LSAMP: variants seen among roughly 807,000 people sequenced by gnomAD.
LSAMP encodes the protein limbic system-associated membrane protein.
In LSAMP, 7 loss-of-function variants were observed where a neutral mutation model predicts 38.6. That is an observed-to-expected ratio of 0.18 (90% confidence interval 0.10 to 0.34). The LOEUF is 0.34. Among genes scored for constraint, LSAMP ranks in the 10% least tolerant of loss-of-function variants. The pLI is 1.00. For missense variants in LSAMP, 313 were observed against 420.0 expected (o/e 0.75, Z 2.23); for synonymous variants, 154 against 166.8 (o/e 0.92, Z 0.59).
At position 115,974,444 on chromosome 3, in the gene LSAMP, A is replaced by G. The variant is rs1357088516; in HGVS notation, c.514+45071T>C. Among the ~76,000 whole-genome samples the G allele has an allele frequency of 2.0e-5, 3 of 152,168 alleles. No individual in the cohort carries two copies. In the East Asian group the frequency reaches 5.8e-4, roughly 29 times the overall value. ...GTGACTGAGGCAGATGTCCCAATCAATCGAGCTGTATTGAGCCAGCTTGAG... is the reference window on the plus strand; with the variant it reads ...GTGACTGAGGCAGATGTCCCAATCAGTCGAGCTGTATTGAGCCAGCTTGAG... On this transcript the variant is annotated intron_variant, in intron 3 of 6. Transcript: ENST00000490035.
intron 3 of LSAMP, among the ~76,000 whole-genome samples, chr3:115,955,043 C>T (rs1329199788): frequency 1.3e-5 from 2 of 152,150 alleles, no homozygotes; most frequent in Non-Finnish European, 2.9e-5. Context: ...CAAGCTCCGC[C>T]TCCCGGGTTC....
At chr3:116,184,815 T>G (rs997689373) in intron 1 of LSAMP, among the ~76,000 whole-genome samples, 1 of 151,908 alleles carries the variant, frequency 6.6e-6, no homozygotes, top group African/African-American at 2.4e-5. Flanking sequence ...CTAGTTCCTT[T>G]TCTTTGTTTT....
intron 3 of LSAMP, among the ~76,000 whole-genome samples, chr3:115,962,261 CT>C (rs1938652111): frequency 6.6e-6 from 1 of 152,102 alleles, no homozygotes; most frequent in African/African-American, 2.4e-5. Context: ...CCATTTTTTT[CT>C]TTCATGTGCT....
intron 1 of LSAMP, among the ~76,000 whole-genome samples, chr3:116,133,971 T>G (rs1709190814): frequency 6.6e-6 from 1 of 152,136 alleles, no homozygotes; most frequent in African/African-American, 2.4e-5. Flanking sequence ...TGGAACAAAC[T>G]ATTTTTCCAG....
intron 1 of LSAMP, among the ~76,000 whole-genome samples, chr3:116,303,158 A>G (rs2047437099): frequency 6.6e-6 from 1 of 152,226 alleles, no homozygotes; most frequent in African/African-American, 2.4e-5. Flanking sequence ...ATCAGCAAAG[A>G]GGGTAAATAG....
At chr3:116,039,131 G>C (rs1318470129) in intron 2 of LSAMP, among the ~76,000 whole-genome samples, 1 of 152,168 alleles carries the variant, frequency 6.6e-6, no homozygotes, top group Non-Finnish European at 1.5e-5. Context: ...TCAGGGTTGA[G>C]AAATGTAAGC....
chr3:116,246,737 G>C (rs4831127), intron 1 of LSAMP, among the ~76,000 whole-genome samples: 107,769 of 152,072 alleles, frequency 0.71, 40,061 homozygotes, highest in South Asian at 0.84. Context: ...TGATGCATAT[G>C]GCAGGGTGAG....
intron 1 of LSAMP, among the ~76,000 whole-genome samples, chr3:116,252,477 A>C (rs1698533979): frequency 6.6e-6 from 1 of 152,194 alleles, no homozygotes; most frequent in African/African-American, 2.4e-5. Context: ...GAAGTAGCTA[A>C]AGAATTTTGT....
At chr3:115,917,718 G>T (rs1223627653) in intron 3 of LSAMP, among the ~76,000 whole-genome samples, 1 of 151,742 alleles carries the variant, frequency 6.6e-6, no homozygotes, top group African/African-American at 2.4e-5. Context: ...CCAGTAGGGA[G>T]ATGGGTTAAT....
intron 1 of LSAMP, 149 bp downstream of exon 1, chr3:116,444,728 C>A: frequency 1.0e-6 from 1 of 1,004,280 alleles, no homozygotes; most frequent in Non-Finnish European, 1.5e-6. Flanking sequence ...CACACACACA[C>A]ACCACACACA....
chr3:116,413,221 T>C (rs1335192578), intron 1 of LSAMP, among the ~76,000 whole-genome samples: 1 of 145,872 alleles, frequency 6.9e-6, no homozygotes, highest in Non-Finnish European at 1.5e-5. Flanking sequence ...CTAATCATGC[T>C]TTAAGCATAC....
In LSAMP at chr3:116,350,703, C is replaced by A. The variant is rs114649989; in HGVS notation, c.155+94174G>T. Among the ~76,000 whole-genome samples, 395 of 151,784 alleles carry A rather than the reference C, an allele frequency of 2.6e-3. 1 individual carries two copies. The highest frequency in any genetic ancestry group is 9.1e-3 in the African/African-American group (375 of 41,398). On this transcript the variant is annotated intron_variant, in intron 1 of 6. Coordinates refer to ENST00000490035, the MANE Select transcript of LSAMP (RefSeq NM_002338.5). ...GCAATTTGAACATGCCGAAGAGAAG[C>A]CATAAAGTGTTTCCTTAACATGAAA...
Position 116,199,711 on chromosome 3 carries a change from A to T in LSAMP, c.156-113155T>A, listed in dbSNP as rs138503605. On this transcript the variant is annotated intron_variant, in intron 1 of 6. Coordinates refer to ENST00000490035, the MANE Select transcript of LSAMP (RefSeq NM_002338.5). ...TTAGAGAGCAGTCAAGTAGAGTGAG[A>T]TTAGAAGAAGGACTCTATTATTAGA... 1.8e-4 allele frequency among the ~76,000 whole-genome samples: 27 copies of T among 152,300 alleles called. 1 individual carries two copies. The East Asian group carries it at 5.2e-3, about 29-fold the overall frequency.
At chr3:116,404,247 T>C (rs1010819339) in intron 1 of LSAMP, among the ~76,000 whole-genome samples, 1 of 152,122 alleles carries the variant, frequency 6.6e-6, no homozygotes, top group Non-Finnish European at 1.5e-5. Context: ...CAGTTGTAAA[T>C]ACAAAATCAA....
chr3:115,837,465 C>T (rs540827733), intron 6 of LSAMP, among the ~76,000 whole-genome samples: 9 of 136,024 alleles, frequency 6.6e-5, no homozygotes, highest in African/African-American at 1.0e-4. Flanking sequence ...CTAGGCTAAA[C>T]GCTGACTACT....
chr3:116,005,189 G>A (rs913766167), intron 3 of LSAMP, among the ~76,000 whole-genome samples: 11 of 152,078 alleles, frequency 7.2e-5, no homozygotes, highest in African/African-American at 2.7e-4. Flanking sequence ...TAAAGAAAGA[G>A]AGCTAACTCC....
chr3:115,847,397 G>A (rs1434897185), intron 4 of LSAMP, among the ~76,000 whole-genome samples: 1 of 152,182 alleles, frequency 6.6e-6, no homozygotes, highest in South Asian at 2.1e-4. Flanking sequence ...CCATGTGCCA[G>A]CAATATTAAA....
intron 1 of LSAMP, among the ~76,000 whole-genome samples, chr3:116,411,573 C>A (rs1484846303): frequency 1.5e-5 from 2 of 132,612 alleles, no homozygotes; most frequent in African/African-American, 2.9e-5. Flanking sequence ...GGAAACTGAA[C>A]AATGAGAACA....
chr3:116,338,373 A>C (rs887012067), intron 1 of LSAMP, among the ~76,000 whole-genome samples: 1 of 151,974 alleles, frequency 6.6e-6, no homozygotes, highest in South Asian at 2.1e-4. Context: ...TTTCAGCCTC[A>C]AATCTACAGA....
Sources: allele counts gnomAD v4.1 joint callset (sites outside exome capture counted in the v4.1 genomes callset), GRCh38; gene constraint gnomAD v4.1.1; transcripts MANE v1.5; gene names NCBI Gene and HGNC (gene_info 2026-07-23, HGNC 2026-07-21).